The following SAMD3 variants were observed in gnomAD, a reference collection of about 807,000 sequenced individuals.
SAMD3 encodes the protein sterile alpha motif domain containing 3, also known as sterile alpha motif domain-containing protein 3.
In SAMD3, 63 loss-of-function variants were observed where a neutral mutation model predicts 58.5. The ratio of observed to expected loss-of-function variants is 1.08; its 90% CI spans 0.88 to 1.33. The LOEUF is 1.33. Ranked by LOEUF, SAMD3 falls within the 40% of genes most tolerant of loss-of-function variation. The pLI is 0.00. For missense variants in SAMD3, 604 were observed against 608.4 expected, an observed-to-expected ratio of 0.99 and a Z score of 0.08; for synonymous variants, 220 against 210.3, an observed-to-expected ratio of 1.05 and a Z score of -0.40.
intron 9 of SAMD3, among the ~76,000 whole-genome samples, chr6:130,149,310 C>T (rs534200985): frequency 1.3e-5 from 2 of 152,310 alleles, no homozygotes; most frequent in East Asian, 3.9e-4. Flanking sequence ...TGTGGAAAGC[C>T]GTTTGGAGAT....
intron 1 of SAMD3, among the ~76,000 whole-genome samples, chr6:130,351,553 T>A (rs371343284): frequency 6.6e-6 from 1 of 152,048 alleles, no homozygotes; most frequent in Non-Finnish European, 1.5e-5. Context: ...GTTAGAATGG[T>A]GATCATTAAA....
At chr6:130,344,642 A>G (rs1777383873) in intron 1 of SAMD3, among the ~76,000 whole-genome samples, 1 of 151,964 alleles carries the variant, frequency 6.6e-6, no homozygotes, top group South Asian at 2.1e-4. Context: ...TCAGCCTCTC[A>G]AAGTGCTGAG....
At chr6:130,333,835 G>T (rs1269842129) in intron 1 of SAMD3, among the ~76,000 whole-genome samples, 2 of 152,130 alleles carry the variant, frequency 1.3e-5, no homozygotes, top group African/African-American at 2.4e-5. Context: ...TGTGCTCTCT[G>T]CTTCCATGCC....
chr6:130,185,360 C>T (rs1398036729), intron 5 of SAMD3, among the ~76,000 whole-genome samples: 2 of 152,102 alleles, frequency 1.3e-5, no homozygotes, highest in Admixed American at 6.6e-5. Context: ...GATGGAGTCT[C>T]ACTCTGTCGC....
rs138527143 is a variant in SAMD3 at position 130,298,407 on chromosome 6, G to A, written c.-188+14571C>T. ...GATCTGCACATGGAAACAAAAGAATGACGCTTGCTACCATAAAAGCACACA... is the reference window on the plus strand; with the variant it reads ...GATCTGCACATGGAAACAAAAGAATAACGCTTGCTACCATAAAAGCACACA... On this transcript the variant is annotated intron_variant, in intron 2 of 13. Transcript: ENST00000368134. Among the ~76,000 whole-genome samples, 660 of 152,166 alleles carry A rather than the reference G, an allele frequency of 4.3e-3. 4 individuals are homozygous for A. The highest frequency in any genetic ancestry group is 0.015 in the African/African-American group (618 of 41,530).
chr6:130,224,127 C>A (rs552964537), upstream of SAMD3, among the ~76,000 whole-genome samples: 2 of 148,642 alleles, frequency 1.3e-5, no homozygotes, highest in East Asian at 3.9e-4. Flanking sequence ...TCCAACCACC[C>A]CCAGGCAAAT....
intron 9 of SAMD3, among the ~76,000 whole-genome samples, chr6:130,149,733 G>A (rs1788968120): frequency 6.6e-6 from 1 of 152,192 alleles, no homozygotes; most frequent in African/African-American, 2.4e-5. Context: ...TGGGTGGAAG[G>A]TGAGGATCGA....
At chr6:130,150,386 T>C (rs985902419) in intron 9 of SAMD3, among the ~76,000 whole-genome samples, 7 of 152,142 alleles carry the variant, frequency 4.6e-5, no homozygotes, top group African/African-American at 1.7e-4. Flanking sequence ...AATTCATGGG[T>C]CCAGGAACCA....
At chr6:130,296,266 G>A (rs148450151) in intron 2 of SAMD3, among the ~76,000 whole-genome samples, 1 of 152,316 alleles carries the variant, frequency 6.6e-6, no homozygotes, top group African/African-American at 2.4e-5. Context: ...GCTGAGAGAA[G>A]AGAACCAGGA....
upstream of SAMD3, among the ~76,000 whole-genome samples, chr6:130,227,541 AC>A (rs1483295458): frequency 1.3e-5 from 2 of 152,150 alleles, no homozygotes; most frequent in African/African-American, 4.8e-5. Context: ...TAATCCCAGA[AC>A]TTTGAGAGGC....
intron 4 of SAMD3, among the ~76,000 whole-genome samples, chr6:130,213,456 T>C (rs1266590144): frequency 6.6e-6 from 1 of 152,140 alleles, no homozygotes; most frequent in Non-Finnish European, 1.5e-5. Context: ...CCTACCATTA[T>C]ATTATTTATC....
At chr6:130,334,312 G>A (rs2115016135) in intron 1 of SAMD3, among the ~76,000 whole-genome samples, 2 of 152,096 alleles carry the variant, frequency 1.3e-5, no homozygotes, top group East Asian at 3.9e-4. Flanking sequence ...CATAAGCCAT[G>A]GGCATATTAT....
At chr6:130,309,250 G>A (rs761705015) in intron 2 of SAMD3, among the ~76,000 whole-genome samples, 2 of 152,176 alleles carry the variant, frequency 1.3e-5, no homozygotes, top group Non-Finnish European at 2.9e-5. Flanking sequence ...TAGAATGTGA[G>A]GCATAAGAGC....
At chr6:130,345,556 G>A (rs1777420269) in intron 1 of SAMD3, among the ~76,000 whole-genome samples, 2 of 152,054 alleles carry the variant, frequency 1.3e-5, no homozygotes, top group South Asian at 2.1e-4. Flanking sequence ...TGGTTTGGGG[G>A]ACATGGGGAT....
upstream of SAMD3, among the ~76,000 whole-genome samples, chr6:130,225,499 G>C (rs1022817766): frequency 6.6e-6 from 1 of 152,146 alleles, no homozygotes; most frequent in Non-Finnish European, 1.5e-5. Context: ...CTGTCTATGG[G>C]ACTACTGGAT....
At chr6:130,236,700 T>C (rs1354983808) in intron 2 of SAMD3, among the ~76,000 whole-genome samples, 1 of 152,184 alleles carries the variant, frequency 6.6e-6, no homozygotes, top group Non-Finnish European at 1.5e-5. Flanking sequence ...CTTTTTATAT[T>C]ACCCAAGTTA....
At chr6:130,148,871 A>G (rs556187671) in intron 9 of SAMD3, among the ~76,000 whole-genome samples, 3 of 152,180 alleles carry the variant, frequency 2.0e-5, no homozygotes, top group East Asian at 3.9e-4. Context: ...CTCAAAAAAA[A>G]CCCAACCAAA....
chr6:130,338,677 A>T (rs933052092), intron 1 of SAMD3, among the ~76,000 whole-genome samples: 1 of 152,200 alleles, frequency 6.6e-6, no homozygotes, highest in Non-Finnish European at 1.5e-5. Context: ...AGATTATTTT[A>T]GAGCTTTAAG....
intron 1 of SAMD3, among the ~76,000 whole-genome samples, chr6:130,313,365 GCC>G (rs1483568093): frequency 7.9e-5 from 12 of 152,216 alleles, no homozygotes; most frequent in Non-Finnish European, 1.8e-4. Flanking sequence ...ACCCCCAACA[GCC>G]CCGATCCATA....
Sources: allele counts gnomAD v4.1 joint callset (sites outside exome capture counted in the v4.1 genomes callset), GRCh38; gene constraint gnomAD v4.1.1; transcripts MANE v1.5; gene names NCBI Gene and HGNC (gene_info 2026-07-23, HGNC 2026-07-21).